Variants in SLC41A3 observed in about 807,000 individuals in gnomAD.
SLC41A3 encodes solute carrier family 41 member 3, also known as SLC41A1-like 2.
A neutral mutation model predicts 45.4 loss-of-function variants in SLC41A3; 44 were observed. The ratio of observed to expected loss-of-function variants is 0.97; its 90% CI spans 0.76 to 1.25. The LOEUF is 1.25. SLC41A3 is among the 50% of genes most tolerant of loss of function. SLC41A3 has a pLI of 0.00. For synonymous variants in SLC41A3, 256 were observed against 252.4 expected (o/e 1.01, Z -0.13); for missense variants, 550 against 600.6 (o/e 0.92, Z 0.88).
chr3:126,061,991 G>C (rs2107983029), intron 2 of SLC41A3, among the ~76,000 whole-genome samples: 1 of 152,250 alleles, frequency 6.6e-6, no homozygotes, highest in East Asian at 1.9e-4. Context: ...CTTACAAATT[G>C]GCTTGACAAG....
upstream of SLC41A3, among the ~76,000 whole-genome samples, chr3:126,088,589 A>G (rs1203157835): frequency 3.3e-5 from 5 of 152,224 alleles, no homozygotes; most frequent in African/African-American, 1.2e-4. Flanking sequence ...TTGCTTTAGA[A>G]TGAAGAAAAA....
At chr3:126,048,850 T>C (rs1236876009) in intron 3 of SLC41A3, among the ~76,000 whole-genome samples, 1 of 152,098 alleles carries the variant, frequency 6.6e-6, no homozygotes, top group Non-Finnish European at 1.5e-5. Flanking sequence ...TATGTATTCG[T>C]CAAAAGTCAT....
rs992636521 is a variant in SLC41A3 at position 126,036,054 on chromosome 3, T to A, written c.382-2376A>T. Among the ~76,000 whole-genome samples, 30 of 152,232 alleles carry A rather than the reference T, an allele frequency of 2.0e-4. 1 individual carries two copies. Among genetic ancestry groups the A allele is most frequent in the Admixed American group, 1.6e-3 (24 of 15,290 alleles). ...GGGTTTCACAGAGGCCCTTCCTCGA[T>A]GTGCATTTAAGATTTCATTGAATTT... On this transcript the variant is annotated intron_variant, in intron 3 of 10. Transcript: ENST00000360370.
intron 4 of SLC41A3, among the ~76,000 whole-genome samples, chr3:126,032,879 C>T (rs1941906790): frequency 6.6e-6 from 1 of 152,104 alleles, no homozygotes; most frequent in Admixed American, 6.5e-5. Context: ...TGTCACAGAC[C>T]ACCCCAACTC....
At chr3:126,049,995 C>T (rs879399402) in intron 3 of SLC41A3, among the ~76,000 whole-genome samples, 15 of 152,148 alleles carry the variant, frequency 9.9e-5, no homozygotes, top group Non-Finnish European at 1.9e-4. Context: ...CTGTCTGAAA[C>T]GTCCCTCTGT....
chr3:126,065,203 C>T (rs1163083660), intron 2 of SLC41A3, among the ~76,000 whole-genome samples: 3 of 152,226 alleles, frequency 2.0e-5, no homozygotes, highest in Non-Finnish European at 4.4e-5. Flanking sequence ...CTGGCCAGCA[C>T]GTGGATTTCA....
At chr3:126,033,742 T>A in intron 3 of SLC41A3, 64 bp from the exon 4 acceptor site, 2 of 1,521,966 alleles carry the variant, frequency 1.3e-6, no homozygotes, top group Non-Finnish European at 1.8e-6. Context: ...CAACCCTTCC[T>A]GGGAAAGGCA....
chr3:126,022,652 T>G, intron 6 of SLC41A3, 134 bp downstream of exon 6: 1 of 1,168,610 alleles, frequency 8.6e-7, no homozygotes, highest in Non-Finnish European at 1.2e-6. Flanking sequence ...TTCCAACACA[T>G]GAAATGTGGG....
chr3:126,053,646 T>A (rs950122765), intron 2 of SLC41A3, among the ~76,000 whole-genome samples: 3 of 152,158 alleles, frequency 2.0e-5, no homozygotes, highest in Non-Finnish European at 2.9e-5. Context: ...TTAAAGTCCC[T>A]TTGAGTTAGG....
intron 2 of SLC41A3, 50 bp from the exon 3 acceptor site, chr3:126,051,100 C>T: frequency 6.7e-7 from 1 of 1,488,352 alleles, no homozygotes; most frequent in Non-Finnish European, 9.0e-7. Context: ...ATCAGCAAAT[C>T]TCTGGAAATT....
At chr3:126,050,504 G>A (rs1263945911) in intron 3 of SLC41A3, among the ~76,000 whole-genome samples, 1 of 152,202 alleles carries the variant, frequency 6.6e-6, no homozygotes, top group Admixed American at 6.5e-5. Context: ...AGCCATTCTG[G>A]GGAGCAGAAG....
intron 6 of SLC41A3, among the ~76,000 whole-genome samples, chr3:126,017,268 TAGAC>T (rs1940395739): frequency 6.6e-6 from 1 of 152,210 alleles, no homozygotes; most frequent in Non-Finnish European, 1.5e-5. Context: ...AGCCCCTGCT[TAGAC>T]AGGCAGCAGG....
intron 2 of SLC41A3, among the ~76,000 whole-genome samples, chr3:126,059,279 A>AGAGAGAAAG (rs1943896516): frequency 2.1e-5 from 3 of 139,540 alleles, no homozygotes. Flanking sequence ...AGAAAGAAAG[A>AGAGAGAAAG]AAGAAAGAAA....
chr3:126,069,270 T>C (rs370681050), intron 1 of SLC41A3, among the ~76,000 whole-genome samples: 1 of 152,032 alleles, frequency 6.6e-6, no homozygotes, highest in African/African-American at 2.4e-5. Flanking sequence ...GGGGAGGCTC[T>C]GGTGAGCACC....
intron 1 of SLC41A3, among the ~76,000 whole-genome samples, chr3:126,082,228 C>A (rs1371588227): frequency 6.6e-6 from 1 of 152,210 alleles, no homozygotes; most frequent in Non-Finnish European, 1.5e-5. Flanking sequence ...CTGGAGGAGG[C>A]TCCTGTGGGA....
intron 3 of SLC41A3, among the ~76,000 whole-genome samples, chr3:126,035,380 G>C (rs936816298): frequency 2.6e-5 from 4 of 152,150 alleles, no homozygotes; most frequent in African/African-American, 9.7e-5. Flanking sequence ...AGGCGAGATG[G>C]GACAGACAGG....
chr3:126,032,566 GC>G (rs1941879555), intron 4 of SLC41A3, among the ~76,000 whole-genome samples: 3 of 152,222 alleles, frequency 2.0e-5, no homozygotes, highest in Non-Finnish European at 4.4e-5. Flanking sequence ...CTTGCCTGAG[GC>G]CCCTCAGTGG....
chr3:126,025,591 T>G (rs1431125823), intron 5 of SLC41A3: 1 of 151,942 alleles, frequency 6.6e-6, no homozygotes. Flanking sequence ...GGTGGCGCCT[T>G]TGGGAGGTGA....
At chr3:126,091,490 A>C (rs2108130661) in intron 1 of SLC41A3, among the ~76,000 whole-genome samples, 1 of 152,292 alleles carries the variant, frequency 6.6e-6, no homozygotes, top group African/African-American at 2.4e-5. Flanking sequence ...CCTGACTGGA[A>C]ATTGGTTGAA....
Sources: allele counts gnomAD v4.1 joint callset (sites outside exome capture counted in the v4.1 genomes callset), GRCh38; gene constraint gnomAD v4.1.1; transcripts MANE v1.5; gene names NCBI Gene and HGNC (gene_info 2026-07-23, HGNC 2026-07-21).